Variants in IPO5 observed in about 807,000 individuals in gnomAD.
IPO5 encodes the protein importin-5.
IPO5 carries 18 observed loss-of-function variants against 143.3 expected under a neutral mutation model. That is an observed-to-expected ratio of 0.13 (90% confidence interval 0.09 to 0.19). The LOEUF is 0.19. Among genes scored for constraint, IPO5 ranks in the 10% least tolerant of loss-of-function variants. The probability of loss-of-function intolerance (pLI) is 1.00; values close to 1 mark genes in which losing one functional copy is unlikely to be tolerated. For synonymous variants in IPO5, 477 were observed against 465.7 expected, an observed-to-expected ratio of 1.02 and a Z score of -0.31; for missense variants, 1,013 against 1,336.9, an observed-to-expected ratio of 0.76 and a Z score of 3.78.
At chr13:97,993,397 G>A (rs1170683824) in intron 11 of IPO5, among the ~76,000 whole-genome samples, 172 bp downstream of exon 11, 2 of 152,232 alleles carry the variant, frequency 1.3e-5, no homozygotes, top group Non-Finnish European at 2.9e-5. Context: ...CCCCCACATT[G>A]TGGTTATGCC....
intron 11 of IPO5, among the ~76,000 whole-genome samples, chr13:97,996,358 TC>T (rs763285537): frequency 5.3e-5 from 8 of 152,062 alleles, no homozygotes; most frequent in Non-Finnish European, 1.2e-4. Context: ...GTCAGGAAAT[TC>T]GTAAAAGAGG....
intron 7 of IPO5, 150 bp from the exon 8 acceptor site, chr13:97,989,976 A>G: frequency 1.7e-6 from 1 of 592,622 alleles, no homozygotes; most frequent in East Asian, 2.9e-5. Flanking sequence ...CAAAAACAGG[A>G]TTGCTTAGAG....
chr13:97,976,250 G>A (rs1007122892), intron 3 of IPO5, among the ~76,000 whole-genome samples: 2 of 151,158 alleles, frequency 1.3e-5, no homozygotes, highest in Admixed American at 6.6e-5. Flanking sequence ...CGCTGTCCCC[G>A]CGACGCAGCC....
chr13:97,991,642 C>CT (rs1422070300), intron 9 of IPO5, among the ~76,000 whole-genome samples: 1 of 152,134 alleles, frequency 6.6e-6, no homozygotes, highest in Non-Finnish European at 1.5e-5. Context: ...AGTGACGTGT[C>CT]TGTGTTCAAA....
rs959491642 is a variant in IPO5 at position 98,022,825 on chromosome 13, G to C, written c.*1003G>C. ...TGCTGTAGAGCCACACACAACTTTT[G>C]AACTTTTAATTATAAGTGTTATGGC... On this transcript the variant is annotated 3_prime_UTR_variant, in exon 29 of 29. Coordinates refer to ENST00000651721, the MANE Select transcript of IPO5 (RefSeq NM_002271.6). 2 of 152,662 alleles carry C rather than the reference G, an allele frequency of 1.3e-5. No homozygotes were observed. The highest frequency in any genetic ancestry group is 1.3e-4 in the Admixed American group (2 of 15,292). 9.5% of individuals were successfully genotyped at this position (152,662 alleles called of 1,614,324 possible). A position where few individuals can be genotyped will look rare whatever the true frequency, so the allele number is the denominator to read the frequency against.
chr13:98,022,074 TA>T lies in IPO5; in HGVS notation c.*254del, dbSNP rs1231683403. On this transcript the variant is annotated 3_prime_UTR_variant, in exon 29 of 29. Coordinates refer to ENST00000651721, the MANE Select transcript of IPO5 (RefSeq NM_002271.6). ...ACTGAAGACTATTTTTCTATTGGTA[TA>T]ACCCGCCCACCTGAAGGGGAAAGGG... is the stretch of plus-strand genomic sequence containing the variant. 1.2e-5 allele frequency: 4 copies of T among 338,080 alleles called. No homozygotes were observed. The highest frequency in any genetic ancestry group is 2.2e-5 in the Non-Finnish European group (4 of 184,938). The allele number at this position is 338,080 out of a possible 1,614,324, so 20.9% of individuals were successfully genotyped here.
chr13:97,976,624 C>T (rs993654061), intron 3 of IPO5, 69 bp from the exon 4 acceptor site: 20 of 606,344 alleles, frequency 3.3e-5, no homozygotes, highest in Non-Finnish European at 4.8e-5. Flanking sequence ...CCCGCCCCCG[C>T]CCCTCCCGCG....
Position 98,021,852 on chromosome 13 carries a change from A to G in IPO5, c.*30A>G. On this transcript the variant is annotated 3_prime_UTR_variant, in exon 29 of 29. Coordinates refer to ENST00000651721, the MANE Select transcript of IPO5 (RefSeq NM_002271.6). ...CCTTAATGTCACCCACCAGAAAACT[A>G]ACTCCAAATAAACGCTTACCCTTTC... The G allele has an allele frequency of 6.9e-7, 1 of 1,456,998 alleles. No individual in the cohort carries two copies. The highest frequency in any genetic ancestry group is 9.6e-7 in the Non-Finnish European group (1 of 1,046,944). 90.3% of individuals were successfully genotyped at this position (1,456,998 alleles called of 1,614,324 possible). A position where few individuals can be genotyped will look rare whatever the true frequency, so the allele number is the denominator to read the frequency against.
At chr13:97,997,125 G>A (rs1282881920) in intron 11 of IPO5, among the ~76,000 whole-genome samples, 1 of 152,090 alleles carries the variant, frequency 6.6e-6, no homozygotes. Flanking sequence ...AATTGCCGAG[G>A]TACATATATT....
At chr13:98,019,874 A>G in intron 27 of IPO5, 65 bp downstream of exon 27, 1 of 1,071,474 alleles carries the variant, frequency 9.3e-7, no homozygotes, top group Admixed American at 1.7e-5. Flanking sequence ...TTTCTTGCCT[A>G]ACATCAGTCT....
intron 5 of IPO5, among the ~76,000 whole-genome samples, chr13:97,985,219 T>C (rs1216334734): frequency 3.3e-5 from 5 of 152,286 alleles, no homozygotes; most frequent in African/African-American, 1.2e-4. Context: ...GTAATGTGAT[T>C]AGAAGTTCTC....
chr13:97,996,487 G>A lies in IPO5; in HGVS notation c.914-1044G>A, dbSNP rs938078137. Among the ~76,000 whole-genome samples, 3 of 152,314 alleles carry A rather than the reference G, an allele frequency of 2.0e-5. No individual in the cohort carries two copies. In the East Asian group the frequency reaches 5.8e-4, roughly 29 times the overall value. On this transcript the variant is annotated intron_variant, in intron 11 of 28. Coordinates refer to ENST00000651721, the MANE Select transcript of IPO5 (RefSeq NM_002271.6). ...GTTAATAAAAGATGTGGAACTGAGA[G>A]GACGCTTATTCCACCCCCAGGGCAC...
chr13:97,995,948 G>T (rs146785169), intron 11 of IPO5, among the ~76,000 whole-genome samples: 63 of 152,190 alleles, frequency 4.1e-4, no homozygotes, highest in African/African-American at 1.4e-3. Flanking sequence ...TGGCAAATGC[G>T]AAAACAATTT....
intron 5 of IPO5, among the ~76,000 whole-genome samples, chr13:97,984,440 GA>G (rs1262301641): frequency 6.6e-6 from 1 of 152,148 alleles, no homozygotes; most frequent in African/African-American, 2.4e-5. Context: ...TGATTGTTGT[GA>G]ATTAGTGACA....
At chr13:97,970,759 A>C (rs1885762935) in intron 3 of IPO5, among the ~76,000 whole-genome samples, 1 of 152,258 alleles carries the variant, frequency 6.6e-6, no homozygotes, top group African/African-American at 2.4e-5. Flanking sequence ...TAGCTCTGTG[A>C]TAATCAAATC....
chr13:97,961,010 G>A (rs768776267), intron 2 of IPO5, among the ~76,000 whole-genome samples: 1 of 152,106 alleles, frequency 6.6e-6, no homozygotes, highest in Non-Finnish European at 1.5e-5. Context: ...CCAGGCACAT[G>A]GCAAGCACCA....
chr13:98,010,692 T>C (rs1300325615), intron 20 of IPO5, among the ~76,000 whole-genome samples: 10 of 152,040 alleles, frequency 6.6e-5, no homozygotes, highest in East Asian at 1.9e-4. Context: ...TTATCCCTTA[T>C]GGTGTTTGTG....
intron 2 of IPO5, chr13:97,960,241 A>G (rs959973702): frequency 1.3e-5 from 2 of 152,198 alleles, no homozygotes; most frequent in African/African-American, 4.8e-5. Flanking sequence ...CATGTGTCCA[A>G]ATTGTAAGAT....
chr13:97,978,391 A>G (rs909858393), intron 4 of IPO5, among the ~76,000 whole-genome samples: 3 of 152,194 alleles, frequency 2.0e-5, no homozygotes, highest in Non-Finnish European at 2.9e-5. Flanking sequence ...CCTCTATGAA[A>G]TGGATATTGC....
Sources: allele counts gnomAD v4.1 joint callset (sites outside exome capture counted in the v4.1 genomes callset), GRCh38; gene constraint gnomAD v4.1.1; transcripts MANE v1.5; gene names NCBI Gene and HGNC (gene_info 2026-07-23, HGNC 2026-07-21).